Variants in THOC1 observed in about 807,000 individuals in gnomAD.
The protein encoded by THOC1 is THO complex 1.
THOC1 carries 29 observed loss-of-function variants against 97.3 expected under a neutral mutation model. That is an observed-to-expected ratio of 0.30 (90% confidence interval 0.22 to 0.41). The LOEUF (loss-of-function observed/expected upper bound fraction) is 0.41. Among genes scored for constraint, THOC1 ranks in the 10% least tolerant of loss-of-function variants. The probability of loss-of-function intolerance (pLI) is 1.00; values close to 1 mark genes in which losing one functional copy is unlikely to be tolerated. For missense variants in THOC1, 529 were observed against 761.9 expected (o/e 0.69, Z 3.60); for synonymous variants, 255 against 257.0 (o/e 0.99, Z 0.07).
intron 16 of THOC1, 132 bp downstream of exon 16, chr18:223,952 G>A (rs1023886817): frequency 2.9e-5 from 20 of 685,992 alleles, no homozygotes; most frequent in Admixed American, 1.2e-4. Flanking sequence ...TAGACAGTGC[G>A]GTTTGCTTTG....
chr18:235,208 CTA>C (rs1391751941), intron 11 of THOC1, among the ~76,000 whole-genome samples: 1 of 151,380 alleles, frequency 6.6e-6, no homozygotes, highest in Admixed American at 6.6e-5. Flanking sequence ...TGAAATATCT[CTA>C]TGTCAATTTT....
intron 8 of THOC1, among the ~76,000 whole-genome samples, chr18:253,601 T>G (rs1251309900): frequency 6.6e-6 from 1 of 152,174 alleles, no homozygotes; most frequent in Non-Finnish European, 1.5e-5. Context: ...TAATATGAAT[T>G]TATAGAAAAA....
Position 246,320 on chromosome 18 carries a change from A to G in THOC1, c.918+4T>C, listed in dbSNP as rs759422251. 1.9e-6 allele frequency: 3 copies of G among 1,541,822 alleles called. No individual in the cohort carries two copies. The South Asian group carries it at 3.5e-5, about 18-fold the overall frequency. ...TATGCTTAATGAAAAAGAAAAACTT[A>G]TACCTTTTCACTTGTTAAAAATTTT... On this transcript the variant is annotated splice_donor_region_variant and intron_variant, in intron 11 of 20. Transcript: ENST00000261600.
In THOC1 at chr18:254,787, G is replaced by A. The variant is rs2143280328; in HGVS notation, c.521-432C>T. Reference sequence around the variant, plus strand: ...CACAGATTTGTTTTTGCCACAAACTGTGCCCATCTAAGATCTAAGACAGTA... The same window carrying A: ...CACAGATTTGTTTTTGCCACAAACTATGCCCATCTAAGATCTAAGACAGTA... On this transcript the variant is annotated intron_variant, in intron 7 of 20. Transcript: ENST00000261600. The surrounding 1 kb of genome is among the most constrained non-coding windows in gnomAD (Gnocchi z 4.1). Among the ~76,000 whole-genome samples, 1 of 151,684 alleles carries A rather than the reference G, an allele frequency of 6.6e-6. No homozygotes were observed. Among genetic ancestry groups the A allele is most frequent in the Non-Finnish European group, 1.5e-5 (1 of 67,918 alleles).
At chr18:265,401 C>T (rs754633530) in intron 2 of THOC1, 38 bp from the exon 3 acceptor site, 23 of 1,590,960 alleles carry the variant, frequency 1.4e-5, no homozygotes, top group Non-Finnish European at 1.9e-5. Context: ...TTTCAAACAG[C>T]TCAGGGTATG....
chr18:216,624 G>A lies in THOC1; in HGVS notation c.1464C>T (p.Asn488=). 5.6e-6 allele frequency: 9 copies of A among 1,611,996 alleles called. No homozygotes were observed. Among genetic ancestry groups the A allele is most frequent in the South Asian group, 2.2e-5 (2 of 90,458 alleles). ...GGGCTCTCCAACCATAATTTGAATT[G>A]TTCACAGCCCTATAAAAAGAGGTGT... ...NMVENEYKAV[N]NSNYGWRALR... The change falls in exon 19 of 21, where the codon AAC becomes AAT. Residue 488 remains asparagine, a synonymous_variant. Transcript: ENST00000261600.
intron 4 of THOC1, chr18:260,927 A>G (rs578002959): frequency 1.3e-5 from 2 of 152,366 alleles, no homozygotes; most frequent in South Asian, 2.1e-4. Context: ...TATAGAAACT[A>G]AAACCATTAT....
chr18:260,227 T>C lies in THOC1; in HGVS notation c.334A>G (p.Ile112Val), dbSNP rs1271500599. 1.9e-6 allele frequency: 3 copies of C among 1,584,796 alleles called. No individual in the cohort carries two copies. Among genetic ancestry groups the C allele is most frequent in the East Asian group, 2.3e-5 (1 of 43,446 alleles). ...DCLPLDQCDT[I>V]FTFVEKNVAT... is the part of the protein sequence containing the mutation. The stretch of plus-strand genomic sequence containing the variant: ...ACATTTTTTTCCACAAAAGTGAATA[T>C]TGTGTCACACTGATCCAAAGGAAGA... The change falls in exon 5 of 21, where the codon ATA becomes GTA. Residue 112 changes from isoleucine (I) to valine (V), a missense_variant. This residue lies in a region of THOC1 where 49 missense variants were observed against 91.7 expected (regional missense o/e 0.53). Transcript: ENST00000261600.
At chr18:260,067 G>T (rs1269858059) in intron 5 of THOC1, 119 bp downstream of exon 5, 1 of 631,760 alleles carries the variant, frequency 1.6e-6, no homozygotes, top group African/African-American at 2.0e-5. Context: ...TTTTTTCATA[G>T]GCAGAAACTT....
In THOC1 at chr18:214,789, C is replaced by T. The variant is rs1481072213; in HGVS notation, c.1811G>A (p.Cys604Tyr). 2 of 1,613,942 alleles carry T rather than the reference C, an allele frequency of 1.2e-6. No homozygotes were observed. The highest frequency in any genetic ancestry group is 1.7e-6 in the Non-Finnish European group (2 of 1,179,852). ...TCTCATCTTCATGTCTTCACTGTCA[C>T]ACTCAATCTGCCTAATTTCTGAGTC... ...MKDSEIRQIE[C>Y]DSEDMKMRAK... The change falls in exon 21 of 21, where the codon TGT becomes TAT. Residue 604 changes from cysteine (C) to tyrosine (Y), a missense_variant. By Grantham distance (194) the Cys-to-Tyr change is radical. Around this residue, in one of 8 missense-constraint regions of THOC1, gnomAD observed 98 missense variants for 111.9 expected, o/e 0.88. Coordinates refer to ENST00000261600, the MANE Select transcript of THOC1 (RefSeq NM_005131.3).
chr18:233,506 AACCCAGGAGGTGG>A (rs1334813594), intron 11 of THOC1, among the ~76,000 whole-genome samples: 1 of 152,208 alleles, frequency 6.6e-6, no homozygotes, highest in Non-Finnish European at 1.5e-5. Flanking sequence ...GAATCACTTG[AACCCAGGAGGTGG>A]AGGCTGCGAT....
rs560054089 is a variant in THOC1 at position 264,280 on chromosome 18, C to T, written c.190-188G>A. On this transcript the variant is annotated intron_variant, in intron 3 of 20. Transcript: ENST00000261600. ...AACAGTAACATATAGAATCAATAGT[C>T]GTAGAAGTATGTCAAGTAACAGGCA... is the stretch of plus-strand genomic sequence containing the variant. Among the ~76,000 whole-genome samples the T allele has an allele frequency of 4.6e-5, 7 of 152,238 alleles. No individual in the cohort carries two copies. In the East Asian group the frequency reaches 5.8e-4, roughly 13 times the overall value.
chr18:255,104 ACT>A (rs753217607), intron 7 of THOC1, among the ~76,000 whole-genome samples: 2 of 151,636 alleles, frequency 1.3e-5, no homozygotes, highest in Admixed American at 6.6e-5. Context: ...CGTTCCCATG[ACT>A]CTCTCTCTCT....
At chr18:253,437 T>C (rs1469416581) in intron 8 of THOC1, among the ~76,000 whole-genome samples, 1 of 152,142 alleles carries the variant, frequency 6.6e-6, no homozygotes, top group Non-Finnish European at 1.5e-5. Context: ...TCAAGAGCCA[T>C]TTAAAAACTA....
At chr18:232,492 T>A (rs1184900472) in intron 11 of THOC1, among the ~76,000 whole-genome samples, 2 of 151,600 alleles carry the variant, frequency 1.3e-5, no homozygotes, top group Non-Finnish European at 2.9e-5. Flanking sequence ...CGTAAAATTA[T>A]CTTATCACCC....
Position 268,028 on chromosome 18 carries a change from C to T in THOC1, c.-9G>A, listed in dbSNP as rs780194610. 2.5e-6 allele frequency: 4 copies of T among 1,576,272 alleles called. No individual in the cohort carries two copies. The highest frequency in any genetic ancestry group is 2.3e-5 in the East Asian group (1 of 42,738). ...GGCGGCGTCGGAGACATCTTCTCGG[C>T]TGCGCGTGCCCGCCACTGCGCTGCG... On this transcript the variant is annotated 5_prime_UTR_variant, in exon 1 of 21. Transcript: ENST00000261600.
At chr18:239,736 G>A (rs1237050598) in intron 11 of THOC1, among the ~76,000 whole-genome samples, 1 of 152,128 alleles carries the variant, frequency 6.6e-6, no homozygotes, top group Non-Finnish European at 1.5e-5. Context: ...AAAAACCAAA[G>A]TTTTAAATAA....
In THOC1 at chr18:246,805, C is replaced by T. The variant is rs559598922; in HGVS notation, c.787-350G>A. ...CAGCCTGGCCAACATGGTGAAACCC[C>T]GTCTCGACTAAAAATACAAAAATTA... On this transcript the variant is annotated intron_variant, in intron 10 of 20. Coordinates refer to ENST00000261600, the MANE Select transcript of THOC1 (RefSeq NM_005131.3). Among the ~76,000 whole-genome samples the T allele has an allele frequency of 8.6e-5, 13 of 151,434 alleles. No homozygotes were observed. In the South Asian group the frequency reaches 2.1e-3, roughly 24 times the overall value.
At chr18:215,957 C>T (rs989799020) in intron 19 of THOC1, among the ~76,000 whole-genome samples, 7 of 152,066 alleles carry the variant, frequency 4.6e-5, no homozygotes, top group Admixed American at 3.3e-4. Flanking sequence ...TGAAGTATCA[C>T]GAACTTTAAT....
Sources: allele counts gnomAD v4.1 joint callset (sites outside exome capture counted in the v4.1 genomes callset), GRCh38; gene constraint gnomAD v4.1.1; regional missense constraint gnomAD v4.1.1; non-coding constraint Gnocchi (gnomAD v3.1); transcripts MANE v1.5; gene names NCBI Gene and HGNC (gene_info 2026-07-23, HGNC 2026-07-21).